Variants in SCMH1 observed in about 807,000 individuals in gnomAD.
SCMH1 encodes the protein Scm polycomb group protein homolog 1.
SCMH1 carries 37 observed loss-of-function variants against 70.8 expected under a neutral mutation model. That is an observed-to-expected ratio of 0.52 (90% CI 0.40 to 0.69). SCMH1 has a LOEUF of 0.69. Ranked by LOEUF, SCMH1 falls within the 30% of genes least tolerant of loss-of-function variation. The pLI, the probability that SCMH1 is intolerant of heterozygous loss-of-function variation, is 0.00. For synonymous variants in SCMH1, 292 were observed against 307.4 expected (o/e 0.95, Z 0.52); for missense variants, 607 against 827.3 (o/e 0.73, Z 3.27).
At chr1:41,119,326 G>T (rs989148578) in intron 6 of SCMH1, among the ~76,000 whole-genome samples, 3 of 151,954 alleles carry the variant, frequency 2.0e-5, no homozygotes, top group African/African-American at 7.2e-5. Context: ...AAGGTAAAGA[G>T]ATTTCTTGGG....
chr1:41,105,877 G>GT (rs200132114), intron 8 of SCMH1, among the ~76,000 whole-genome samples: 3,439 of 142,574 alleles, frequency 0.024, 98 homozygotes, highest in African/African-American at 0.066. Flanking sequence ...CCATTTGATA[G>GT]TTTTTTTTTT....
At chr1:41,115,334 A>G (rs912348460) in intron 7 of SCMH1, among the ~76,000 whole-genome samples, 2 of 152,194 alleles carry the variant, frequency 1.3e-5, no homozygotes, top group African/African-American at 4.8e-5. Context: ...TTGCTCTATT[A>G]TACTTTGAGA....
chr1:41,196,410 AT>A (rs1238867021), intron 1 of SCMH1, among the ~76,000 whole-genome samples: 1 of 152,144 alleles, frequency 6.6e-6, no homozygotes, highest in Non-Finnish European at 1.5e-5. Context: ...AAAATAGTTA[AT>A]TTTCAATAAA....
At chr1:41,067,458 C>CAAAAAAAAAAAAA (rs60607308) in intron 10 of SCMH1, among the ~76,000 whole-genome samples, 2 of 60,302 alleles carry the variant, frequency 3.3e-5, no homozygotes, top group Non-Finnish European at 6.0e-5. Flanking sequence ...ACAACAACAA[C>CAAAAAAAAAAAAA]AAAAAAAAAA....
chr1:41,099,050 C>A, intron 8 of SCMH1: 1 of 248,784 alleles, frequency 4.0e-6, no homozygotes, highest in Admixed American at 3.9e-5. Context: ...CCTGATCAGG[C>A]CTGAGGGAGA....
intron 1 of SCMH1, among the ~76,000 whole-genome samples, chr1:41,223,800 T>G (rs1441053718): frequency 6.6e-6 from 1 of 152,150 alleles, no homozygotes; most frequent in South Asian, 2.1e-4. Flanking sequence ...CTGCAAACAT[T>G]TGGGTAATCT....
intron 1 of SCMH1, among the ~76,000 whole-genome samples, chr1:41,203,723 G>A (rs561477098): frequency 6.6e-6 from 1 of 152,224 alleles, no homozygotes; most frequent in Non-Finnish European, 1.5e-5. Context: ...TAGCATGAGC[G>A]ATCTGTGCCT....
chr1:41,117,581 A>G (rs1040088362), intron 6 of SCMH1, among the ~76,000 whole-genome samples: 1 of 152,220 alleles, frequency 6.6e-6, no homozygotes, highest in African/African-American at 2.4e-5. Flanking sequence ...GCCCGCCTGC[A>G]GTTATCCAAA....
intron 2 of SCMH1, among the ~76,000 whole-genome samples, chr1:41,170,667 A>G (rs1342435926): frequency 6.6e-6 from 1 of 152,170 alleles, no homozygotes; most frequent in Non-Finnish European, 1.5e-5. Context: ...TTAATCCCAC[A>G]CATATCCCTC....
At chr1:41,092,825 A>G (rs1259390795) in intron 8 of SCMH1, among the ~76,000 whole-genome samples, 1 of 152,176 alleles carries the variant, frequency 6.6e-6, no homozygotes, top group Non-Finnish European at 1.5e-5. Context: ...ACAATGAGAT[A>G]CCATCTCACA....
At chr1:41,061,604 G>GA (rs1652675239) in intron 10 of SCMH1, among the ~76,000 whole-genome samples, 1 of 152,118 alleles carries the variant, frequency 6.6e-6, no homozygotes, top group African/African-American at 2.4e-5. Flanking sequence ...CCTGCAAGGA[G>GA]AAACAGATAA....
rs1168972450 is a variant in SCMH1, at chr1:41,159,849, A to G, written c.106+1026T>C. The stretch of plus-strand genomic sequence containing the variant: ...ATAGCCGCTGAACAGAATGAAAATC[A>G]TAATAATCCTCCAAAGTTGAAAAGT... On this transcript the variant is annotated intron_variant, in intron 4 of 14. Coordinates refer to ENST00000337495, the Ensembl canonical transcript of SCMH1. The G allele has an allele frequency of 3.7e-6, 5 of 1,338,090 alleles. No individual in the cohort carries two copies. The African/African-American group carries it at 6.1e-5, about 16-fold the overall frequency. The allele number at this position is 1,338,090 out of a possible 1,614,324, so 82.9% of individuals were successfully genotyped here.
chr1:41,075,833 C>T (rs934737478), intron 8 of SCMH1, among the ~76,000 whole-genome samples: 1 of 152,148 alleles, frequency 6.6e-6, no homozygotes, highest in Non-Finnish European at 1.5e-5. Flanking sequence ...CAGAACAAGA[C>T]ACAATGCCCT....
At chr1:41,232,429 T>C (rs1405048546) in intron 1 of SCMH1, among the ~76,000 whole-genome samples, 13 of 152,230 alleles carry the variant, frequency 8.5e-5, no homozygotes, top group Admixed American at 6.5e-5. Flanking sequence ...ATAGAAGATA[T>C]ATTCAGACTA....
intron 6 of SCMH1, among the ~76,000 whole-genome samples, chr1:41,142,088 T>C (rs540144379): frequency 1.5e-4 from 23 of 152,338 alleles, no homozygotes; most frequent in South Asian, 1.2e-3. Flanking sequence ...CACTATGCTA[T>C]TTTTCTCTAC....
chr1:41,101,456 C>G (rs1349919711), intron 8 of SCMH1, among the ~76,000 whole-genome samples: 2 of 152,118 alleles, frequency 1.3e-5, no homozygotes, highest in East Asian at 3.8e-4. Context: ...TGATTCTTAA[C>G]CAATGTAACT....
intron 8 of SCMH1, among the ~76,000 whole-genome samples, chr1:41,087,937 GGTGT>G (rs55721560): frequency 1.4e-4 from 19 of 139,904 alleles, no homozygotes; most frequent in African/African-American, 2.2e-4. Flanking sequence ...TATAGTTTCT[GGTGT>G]GTGTGTGTGT....
At chr1:41,204,261 A>C (rs1414586545) in intron 1 of SCMH1, among the ~76,000 whole-genome samples, 2 of 152,280 alleles carry the variant, frequency 1.3e-5, no homozygotes, top group Non-Finnish European at 2.9e-5. Flanking sequence ...CTTAGCAGCA[A>C]ATGCAATCTT....
intron 1 of SCMH1, among the ~76,000 whole-genome samples, chr1:41,192,105 A>T (rs1316278542): frequency 6.6e-6 from 1 of 152,178 alleles, no homozygotes; most frequent in Non-Finnish European, 1.5e-5. Context: ...TGACTATATA[A>T]CATGTCTTAA....
Sources: allele counts gnomAD v4.1 joint callset (sites outside exome capture counted in the v4.1 genomes callset), GRCh38; gene constraint gnomAD v4.1.1; transcripts MANE v1.5; gene names NCBI Gene and HGNC (gene_info 2026-07-23, HGNC 2026-07-21).